Variants in LOC128706665 observed in about 807,000 individuals in gnomAD.
At chr20:10,423,904 T>C in the LOC128706665 span, among the ~76,000 whole-genome samples, 1 of 152,374 alleles carries the variant, frequency 6.6e-6, no homozygotes, top group East Asian at 1.9e-4. Context: ...ACTGATTTAA[T>C]GATTAATTGC....
the LOC128706665 span, chr20:10,434,132 C>CCAGGCCGCCA: frequency 0.061 from 9,303 of 152,674 alleles, 325 homozygotes; most frequent in Admixed American, 0.084. Flanking sequence ...TCGCGCCGCC[C>CCAGGCCGCCA]CAGGCCGCCA....
chr20:10,429,208 T>C, the LOC128706665 span, among the ~76,000 whole-genome samples: 3 of 152,182 alleles, frequency 2.0e-5, no homozygotes, highest in South Asian at 2.1e-4. Flanking sequence ...GTTCTGACCA[T>C]AAAGATCACC....
the LOC128706665 span, among the ~76,000 whole-genome samples, chr20:10,432,914 G>A: frequency 6.6e-6 from 1 of 151,742 alleles, no homozygotes; most frequent in Non-Finnish European, 1.5e-5. Context: ...TGCTATGTAA[G>A]TAGTTGTTAC....
At chr20:10,434,201 C>T in the LOC128706665 span, 4 of 152,282 alleles carry the variant, frequency 2.6e-5, no homozygotes, top group Non-Finnish European at 5.9e-5. Context: ...ATCCCGACAA[C>T]CTTCGCGTCG....
the LOC128706665 span, among the ~76,000 whole-genome samples, chr20:10,423,291 CG>C: frequency 1.3e-5 from 2 of 152,098 alleles, no homozygotes; most frequent in African/African-American, 4.8e-5. Context: ...TGGTGGCGCA[CG>C]CCTGTAGTTC....
the LOC128706665 span, among the ~76,000 whole-genome samples, chr20:10,425,360 T>A: frequency 6.6e-6 from 1 of 152,264 alleles, no homozygotes; most frequent in African/African-American, 2.4e-5. Context: ...TTGCAAAATA[T>A]GCTATGGCAA....
chr20:10,423,033 G>A, the LOC128706665 span, among the ~76,000 whole-genome samples: 5 of 151,964 alleles, frequency 3.3e-5, no homozygotes. Context: ...TTACTTTTAA[G>A]AGCCATTTCT....
the LOC128706665 span, among the ~76,000 whole-genome samples, chr20:10,416,980 A>G: frequency 2.0e-5 from 3 of 148,100 alleles, no homozygotes; most frequent in Non-Finnish European, 4.4e-5. Context: ...TCTTTTATAG[A>G]AAAAAAGTTT....
At chr20:10,427,905 A>G in the LOC128706665 span, among the ~76,000 whole-genome samples, 1 of 152,232 alleles carries the variant, frequency 6.6e-6, no homozygotes, top group Non-Finnish European at 1.5e-5. Context: ...CTTGACCTAT[A>G]TCCAAGAGCT....
chr20:10,432,789 CAAAAAAA>C, the LOC128706665 span, among the ~76,000 whole-genome samples: 396 of 74,590 alleles, frequency 5.3e-3, 6 homozygotes, highest in African/African-American at 0.013. Context: ...GACTCTTTGT[CAAAAAAA>C]AAAAAAAAAA....
At chr20:10,429,489 C>T in the LOC128706665 span, among the ~76,000 whole-genome samples, 1 of 152,186 alleles carries the variant, frequency 6.6e-6, no homozygotes, top group African/African-American at 2.4e-5. Flanking sequence ...CTACTGTACA[C>T]CTTTGAACTA....
chr20:10,416,155 T>TTTG, the LOC128706665 span, among the ~76,000 whole-genome samples: 21,836 of 152,052 alleles, frequency 0.14, 1,737 homozygotes, highest in East Asian at 0.24. Flanking sequence ...CAGATGGGTT[T>TTTG]TTGTTGTTGT....
At chr20:10,420,276 G>A in the LOC128706665 span, among the ~76,000 whole-genome samples, 1 of 152,068 alleles carries the variant, frequency 6.6e-6, no homozygotes, top group African/African-American at 2.4e-5. Flanking sequence ...ACACATTCAT[G>A]ATCCTGGTGA....
At chr20:10,416,694 C>T in the LOC128706665 span, among the ~76,000 whole-genome samples, 1 of 152,112 alleles carries the variant, frequency 6.6e-6, no homozygotes. Flanking sequence ...AAAGTTGTTC[C>T]AGCTAATAAA....
At chr20:10,413,737 A>T in the LOC128706665 span, 1 of 602,644 alleles carries the variant, frequency 1.7e-6, no homozygotes, top group Non-Finnish European at 2.9e-6. Flanking sequence ...ATTTTACTTC[A>T]CTCTTCAATA....
At chr20:10,422,713 C>CT in the LOC128706665 span, among the ~76,000 whole-genome samples, 20,483 of 143,418 alleles carry the variant, frequency 0.14, 1,609 homozygotes, top group East Asian at 0.24. Context: ...GTTATATTAT[C>CT]TTTTTTTTTT....
the LOC128706665 span, among the ~76,000 whole-genome samples, chr20:10,430,482 A>G: frequency 1.3e-5 from 2 of 152,234 alleles, no homozygotes; most frequent in Non-Finnish European, 2.9e-5. Context: ...AAGAAAAAAA[A>G]CATTACTGGA....
chr20:10,421,286 TG>T, the LOC128706665 span, among the ~76,000 whole-genome samples: 1 of 149,506 alleles, frequency 6.7e-6, no homozygotes, highest in Non-Finnish European at 1.5e-5. Flanking sequence ...TAGTCGGATA[TG>T]GTGGCGCATG....
the LOC128706665 span, among the ~76,000 whole-genome samples, chr20:10,433,176 T>C: frequency 2.6e-5 from 4 of 152,236 alleles, no homozygotes; most frequent in African/African-American, 9.6e-5. Flanking sequence ...GCTCATTTTT[T>C]TGTACTTTTA....
Sources: allele counts gnomAD v4.1 joint callset (sites outside exome capture counted in the v4.1 genomes callset), GRCh38; gene constraint gnomAD v4.1.1; transcripts MANE v1.5.